Variants in TOMM20L observed in about 807,000 individuals in gnomAD.
The protein encoded by TOMM20L is translocase of outer mitochondrial membrane 20 like, also known as TOMM20-like protein 1.
In TOMM20L, 19 loss-of-function variants were observed where a neutral mutation model predicts 20.4. The ratio of observed to expected loss-of-function variants is 0.93; its 90% CI spans 0.65 to 1.36. The LOEUF (loss-of-function observed/expected upper bound fraction) is 1.36. Ranked by LOEUF, TOMM20L falls within the 40% of genes most tolerant of loss-of-function variation. The pLI, the probability that TOMM20L is intolerant of heterozygous loss-of-function variation, is 0.00. For synonymous variants in TOMM20L, 75 were observed against 79.6 expected (o/e 0.94, Z 0.30); for missense variants, 218 against 203.7 (o/e 1.07, Z -0.43).
chr14:58,411,766 A>T, downstream of TOMM20L: 1 of 698,074 alleles, frequency 1.4e-6, no homozygotes, highest in Non-Finnish European at 2.5e-6. Flanking sequence ...TGAACTCCTG[A>T]CTTCATGTGA....
At chr14:58,397,260 G>A in intron 2 of TOMM20L, among the ~76,000 whole-genome samples, 1 of 152,184 alleles carries the variant, frequency 6.6e-6, no homozygotes, top group Non-Finnish European at 1.5e-5. Context: ...ACACATATAT[G>A]TATGTGTGTA....
downstream of TOMM20L, among the ~76,000 whole-genome samples, chr14:58,412,392 G>A (rs1437472531): frequency 6.6e-6 from 1 of 152,120 alleles, no homozygotes; most frequent in African/African-American, 2.4e-5. Flanking sequence ...CGCCTGCCTC[G>A]GCTTCCCAAA....
intron 3 of TOMM20L, among the ~76,000 whole-genome samples, chr14:58,403,812 T>G (rs1286138275): frequency 6.6e-6 from 1 of 151,886 alleles, no homozygotes; most frequent in African/African-American, 2.4e-5. Context: ...CACTCCAGCC[T>G]GGGCGACAGA....
chr14:58,396,097 A>G lies in TOMM20L; in HGVS notation c.136+4A>G. The G allele has an allele frequency of 7.4e-7, 1 of 1,353,182 alleles. No individual in the cohort carries two copies. 83.8% of individuals were successfully genotyped at this position (1,353,182 alleles called of 1,614,324 possible). A position where few individuals can be genotyped will look rare whatever the true frequency, so the allele number is the denominator to read the frequency against. On this transcript the variant is annotated splice_donor_region_variant and intron_variant, in intron 1 of 4. Coordinates refer to ENST00000360945, the MANE Select transcript of TOMM20L (RefSeq NM_207377.3). ...TTCAAGCGCCGCCTGCGGGACAGTG[A>G]GTGGGACCGAGGCGGAGGCGCGGCC... is the stretch of plus-strand genomic sequence containing the variant.
intron 4 of TOMM20L, 47 bp downstream of exon 4, chr14:58,407,515 CTATGT>C: frequency 6.5e-7 from 1 of 1,543,096 alleles, no homozygotes; most frequent in South Asian, 1.2e-5. Flanking sequence ...CAGTAAATAG[CTATGT>C]TATGCTTGAC....
downstream of TOMM20L, chr14:58,412,033 A>G (rs1334866377): frequency 4.1e-6 from 5 of 1,215,886 alleles, no homozygotes; most frequent in African/African-American, 6.0e-5. Context: ...GTCTAACTGA[A>G]GAGTTAGGGA....
At chr14:58,407,572 C>A in intron 4 of TOMM20L, 104 bp downstream of exon 4, 1 of 1,281,852 alleles carries the variant, frequency 7.8e-7, no homozygotes, top group Non-Finnish European at 1.0e-6. Context: ...TGCCCAAAAT[C>A]TTAAATAAGT....
At chr14:58,414,008 G>GAAA in the TOMM20L span, among the ~76,000 whole-genome samples, 15,915 of 24,036 alleles carry the variant, frequency 0.66, 7,296 homozygotes, top group East Asian at 0.74. Flanking sequence ...TTCCGTCTCA[G>GAAA]AAAAAAAAAA....
In TOMM20L at chr14:58,408,664, T is replaced by C; in HGVS notation, c.*82T>C. 1 of 1,370,082 alleles carries C rather than the reference T, an allele frequency of 7.3e-7. No individual in the cohort carries two copies. The highest frequency in any genetic ancestry group is 1.3e-5 in the South Asian group (1 of 74,250). The allele number at this position is 1,370,082 out of a possible 1,614,324, so 84.9% of individuals were successfully genotyped here. A position where few individuals can be genotyped will look rare whatever the true frequency, so the allele number is the denominator to read the frequency against. ...AACAACTGCTCAGTGATATTTCCATTTATTTTACTTTGAGTAATAAAAATT... is the reference window on the plus strand; with the variant it reads ...AACAACTGCTCAGTGATATTTCCATCTATTTTACTTTGAGTAATAAAAATT... On this transcript the variant is annotated 3_prime_UTR_variant, in exon 5 of 5. Coordinates refer to ENST00000360945, the MANE Select transcript of TOMM20L (RefSeq NM_207377.3).
chr14:58,402,817 T>G (rs2036008535), intron 3 of TOMM20L, 56 bp downstream of exon 3: 2 of 1,289,856 alleles, frequency 1.6e-6, no homozygotes, highest in Non-Finnish European at 2.2e-6. Flanking sequence ...GAGAAATATT[T>G]ATTGATTAGT....
At chr14:58,397,305 G>C (rs890538913) in intron 2 of TOMM20L, among the ~76,000 whole-genome samples, 41 of 152,188 alleles carry the variant, frequency 2.7e-4, no homozygotes, top group Non-Finnish European at 7.3e-5. Flanking sequence ...TGTGTATAGA[G>C]AGAGCACGCA....
intron 3 of TOMM20L, among the ~76,000 whole-genome samples, chr14:58,407,048 C>T (rs2036069568): frequency 1.3e-5 from 2 of 152,142 alleles, no homozygotes; most frequent in Non-Finnish European, 2.9e-5. Context: ...TCCCTCCATA[C>T]CCAAATTATA....
the TOMM20L span, among the ~76,000 whole-genome samples, chr14:58,414,008 GAAAAAA>G: frequency 2.0e-3 from 49 of 24,178 alleles, no homozygotes; most frequent in South Asian, 8.3e-3. Context: ...TTCCGTCTCA[GAAAAAA>G]AAAAAAAAAA....
At chr14:58,411,872 T>C, downstream of TOMM20L, 1 of 1,607,492 alleles carries the variant, frequency 6.2e-7, no homozygotes, top group Non-Finnish European at 8.5e-7. Flanking sequence ...TACATTTTTT[T>C]GCAAAATCTT....
downstream of TOMM20L, among the ~76,000 whole-genome samples, chr14:58,411,373 G>C (rs563201875): frequency 1.3e-5 from 2 of 151,940 alleles, no homozygotes; most frequent in Non-Finnish European, 2.9e-5. Flanking sequence ...GCTTGGGCCC[G>C]GGAGATGGAG....
At chr14:58,411,925 T>A (rs199885870), downstream of TOMM20L, 1 of 1,613,658 alleles carries the variant, frequency 6.2e-7, no homozygotes, top group Non-Finnish European at 8.5e-7. Flanking sequence ...TCTGATCAGA[T>A]TCTGGTATTT....
downstream of TOMM20L, chr14:58,411,088 T>G (rs2036200066): frequency 5.1e-6 from 3 of 583,830 alleles, no homozygotes; most frequent in Non-Finnish European, 9.0e-6. Context: ...TACAGTATGA[T>G]CTACAGAATA....
intron 2 of TOMM20L, among the ~76,000 whole-genome samples, chr14:58,396,586 A>C (rs1295819995): frequency 6.6e-6 from 1 of 152,254 alleles, no homozygotes; most frequent in Non-Finnish European, 1.5e-5. Flanking sequence ...AAAACACTGT[A>C]CAACAGGCAC....
chr14:58,400,577 G>A (rs1306305843), intron 2 of TOMM20L, among the ~76,000 whole-genome samples: 1 of 151,744 alleles, frequency 6.6e-6, no homozygotes. Flanking sequence ...TGGTAATATT[G>A]TTGCTACATT....
Sources: allele counts gnomAD v4.1 joint callset (sites outside exome capture counted in the v4.1 genomes callset), GRCh38; gene constraint gnomAD v4.1.1; transcripts MANE v1.5; gene names NCBI Gene and HGNC (gene_info 2026-07-23, HGNC 2026-07-21).